TG: variants seen among roughly 807,000 people sequenced by gnomAD.
TG encodes thyroglobulin, also known as thyroid hormones.
A neutral mutation model predicts 324.7 loss-of-function variants in TG; 270 were observed. That is an observed-to-expected ratio of 0.83 (90% CI 0.75 to 0.92). TG has a LOEUF of 0.92. Among genes scored for constraint, TG ranks in the 40% least tolerant of loss-of-function variants. The pLI is 0.00. For missense variants in TG, 3,591 were observed against 3,456.4 expected (o/e 1.04, Z -0.98); for synonymous variants, 1,401 against 1,327.0 (o/e 1.06, Z -1.21).
chr8:133,076,072 G>A (rs1046617802), intron 41 of TG: 1 of 152,180 alleles, frequency 6.6e-6, no homozygotes, highest in African/African-American at 2.4e-5. Flanking sequence ...TGATGAAACA[G>A]GTAAAATTTC....
chr8:132,961,650 TA>T, intron 28 of TG, among the ~76,000 whole-genome samples: 1 of 152,274 alleles, frequency 6.6e-6, no homozygotes, highest in Non-Finnish European at 1.5e-5. Flanking sequence ...GAAAGGCATT[TA>T]GGGGAGAGAC....
chr8:132,995,559 A>G (rs1184825795), intron 35 of TG: 2 of 983,610 alleles, frequency 2.0e-6, no homozygotes, highest in Admixed American at 6.2e-5. Context: ...CAGAATTTCT[A>G]TCGTTTTGCC....
chr8:133,063,207 G>A (rs565284336), intron 41 of TG, among the ~76,000 whole-genome samples: 27 of 152,018 alleles, frequency 1.8e-4, no homozygotes, highest in African/African-American at 6.5e-4. Context: ...TCAACACCTA[G>A]TGATTGTGCC....
chr8:132,900,466 C>T (rs555021012), intron 15 of TG, 127 bp downstream of exon 15: 1,045 of 816,102 alleles, frequency 1.3e-3, no homozygotes, highest in Non-Finnish European at 1.9e-3. Context: ...AGCTGCTGAC[C>T]TCACTATGCC....
chr8:133,094,954 G>A (rs1468538110), intron 41 of TG, 90 bp from the exon 42 acceptor site: 2 of 1,578,194 alleles, frequency 1.3e-6, no homozygotes, highest in Admixed American at 3.3e-5. Flanking sequence ...GAGGAAGGAT[G>A]CAGAACCCTG....
At chr8:133,129,148 C>T (rs2130372817) in intron 45 of TG, among the ~76,000 whole-genome samples, 1 of 152,314 alleles carries the variant, frequency 6.6e-6, no homozygotes, top group Non-Finnish European at 1.5e-5. Flanking sequence ...TCCAGATGTC[C>T]CTTAAACTGC....
At chr8:132,939,070 C>T (rs1242694444) in intron 25 of TG, among the ~76,000 whole-genome samples, 2 of 134,678 alleles carry the variant, frequency 1.5e-5, no homozygotes, top group African/African-American at 5.9e-5. Context: ...AAAAAAAAAG[C>T]AGCCCACCAT....
intron 16 of TG, among the ~76,000 whole-genome samples, chr8:132,905,397 A>G (rs1818532805): frequency 6.6e-6 from 1 of 152,180 alleles, no homozygotes; most frequent in Non-Finnish European, 1.5e-5. Flanking sequence ...TGCCCTTATC[A>G]CAAAAAAGAC....
At chr8:132,956,056 G>A (rs1826817155) in intron 27 of TG, among the ~76,000 whole-genome samples, 1 of 152,206 alleles carries the variant, frequency 6.6e-6, no homozygotes, top group African/African-American at 2.4e-5. Context: ...AGTCAAAACT[G>A]TGATCATTTA....
rs769654694 is a variant in TG, at chr8:132,913,210, G to A, written c.4323G>A (p.Ser1441=). ...CTCCCAGGACATGGTTTGGGTGCTC[G>A]GAAGGATTCTACCAAGTCTTGACAA... ...GTSPRTWFGC[S]EGFYQVLTSE... The change falls in exon 20 of 48, where the codon TCG becomes TCA. Residue 1441 remains serine (S), a synonymous_variant. Transcript: ENST00000220616. 678 of 1,614,006 alleles carry A rather than the reference G, an allele frequency of 4.2e-4. No homozygotes were observed. The highest frequency in any genetic ancestry group is 1.6e-4 in the Middle Eastern group (1 of 6,082).
chr8:133,128,529 G>A (rs1239703489), intron 45 of TG, among the ~76,000 whole-genome samples: 2 of 152,030 alleles, frequency 1.3e-5, no homozygotes, highest in Admixed American at 1.3e-4. Flanking sequence ...ATGAGCATCC[G>A]ATATACCATA....
At chr8:132,953,377 C>T (rs1368482372) in intron 27 of TG, among the ~76,000 whole-genome samples, 37 of 152,140 alleles carry the variant, frequency 2.4e-4, no homozygotes, top group Admixed American at 2.4e-3. Flanking sequence ...GGGACAGTGG[C>T]TTCTGTTCTT....
intron 41 of TG, chr8:133,045,165 A>T: frequency 6.2e-7 from 1 of 1,607,048 alleles, no homozygotes; most frequent in Non-Finnish European, 8.5e-7. Flanking sequence ...CCTCACCCCA[A>T]GGCACCCAGC....
intron 16 of TG, among the ~76,000 whole-genome samples, chr8:132,904,446 TG>T (rs2132312643): frequency 6.6e-6 from 1 of 152,370 alleles, no homozygotes; most frequent in Admixed American, 6.5e-5. Flanking sequence ...GTGTACTCTC[TG>T]GGGCTGGGCC....
At chr8:132,989,183 C>T (rs1831995971) in intron 35 of TG, among the ~76,000 whole-genome samples, 1 of 152,322 alleles carries the variant, frequency 6.6e-6, no homozygotes, top group Admixed American at 6.5e-5. Context: ...TCAGTTATCT[C>T]CCACTGGGTC....
At chr8:133,009,588 C>T (rs1039410897) in intron 35 of TG, among the ~76,000 whole-genome samples, 2 of 151,768 alleles carry the variant, frequency 1.3e-5, no homozygotes, top group African/African-American at 4.8e-5. Flanking sequence ...TTTGCATCCT[C>T]CTCAAATTTG....
chr8:132,919,451 C>G lies in TG; in HGVS notation c.4454C>G (p.Ala1485Gly), dbSNP rs780990359. 6.2e-7 allele frequency: 1 copy of G among 1,614,144 alleles called. No homozygotes were observed. The highest frequency in any genetic ancestry group is 8.5e-7 in the Non-Finnish European group (1 of 1,180,000). The stretch of plus-strand genomic sequence containing the variant: ...CCTGTTGGATTCTACCAAGAACAGG[C>G]AGGGAGCTTGGCCTGTGTCCCATGT... ...PCPVGFYQEQ[A>G]GSLACVPCPV... The change falls in exon 21 of 48, where the codon GCA becomes GGA. Residue 1485 changes from alanine to glycine, a missense_variant. By Grantham distance (60) the Ala-to-Gly change is moderately conservative (BLOSUM62 0). Transcript: ENST00000220616.
rs533302835 is a variant in TG at position 133,126,507 on chromosome 8, C to T, written c.7863-5305C>T. On this transcript the variant is annotated intron_variant, in intron 45 of 47. Coordinates refer to ENST00000220616, the MANE Select transcript of TG (RefSeq NM_003235.5). ...TGAAAGTTTTGAGTCTACTGTGAAA[C>T]AATATATCATACAGCTCTGCTGAGC... Among the ~76,000 whole-genome samples, 4 of 145,252 alleles carry T rather than the reference C, an allele frequency of 2.8e-5. No individual in the cohort carries two copies. In the East Asian group the frequency reaches 8.1e-4, roughly 29 times the overall value.
intron 26 of TG, 139 bp from the exon 27 acceptor site, chr8:132,948,637 C>A: frequency 1.0e-6 from 1 of 966,566 alleles, no homozygotes; most frequent in Non-Finnish European, 1.6e-6. Flanking sequence ...TAAAACCAGG[C>A]TCTTGAATTC....
Sources: gnomAD v4.1 joint callset for allele counts (sites outside exome capture counted in the v4.1 genomes callset) on GRCh38, gnomAD v4.1.1 for gene constraint, MANE v1.5 for transcripts, NCBI Gene and HGNC (gene_info 2026-07-23, HGNC 2026-07-21) for gene names.